Variants in RCAN2 observed in about 807,000 individuals in gnomAD.
The protein encoded by RCAN2 is calcipressin-2.
A neutral mutation model predicts 23.6 loss-of-function variants in RCAN2; 9 were observed. The observed-to-expected ratio is 0.38, with a 90% CI of 0.23 to 0.67. RCAN2 has a LOEUF of 0.67. Among genes scored for constraint, RCAN2 ranks in the 30% least tolerant of loss-of-function variants. The pLI is 0.51. For missense variants in RCAN2, 273 were observed against 302.3 expected (o/e 0.90, Z 0.72); for synonymous variants, 109 against 115.7 (o/e 0.94, Z 0.37).
intron 2 of RCAN2, among the ~76,000 whole-genome samples, chr6:46,256,530 C>T (rs1766923107): frequency 6.6e-6 from 1 of 152,056 alleles, no homozygotes; most frequent in South Asian, 2.1e-4. Flanking sequence ...CAAATATGAA[C>T]ATTTGTGGAT....
intron 2 of RCAN2, among the ~76,000 whole-genome samples, chr6:46,424,568 T>C (rs1195123989): frequency 3.3e-5 from 5 of 152,116 alleles, no homozygotes; most frequent in African/African-American, 1.2e-4. Flanking sequence ...TGTTGTTTTC[T>C]TCCAAATGAG....
intron 2 of RCAN2, among the ~76,000 whole-genome samples, chr6:46,351,541 C>T (rs2396642): frequency 0.42 from 64,285 of 152,042 alleles, 15,051 homozygotes; most frequent in East Asian, 0.6. Flanking sequence ...CTCCAAGAAG[C>T]TTTATCTTCT....
chr6:46,231,750 C>T (rs1765899214), intron 4 of RCAN2, among the ~76,000 whole-genome samples: 1 of 152,146 alleles, frequency 6.6e-6, no homozygotes, highest in African/African-American at 2.4e-5. Flanking sequence ...CAAACGAACA[C>T]AGCCATACCC....
intron 4 of RCAN2, among the ~76,000 whole-genome samples, chr6:46,231,733 A>G (rs1376767271): frequency 6.6e-6 from 1 of 151,746 alleles, no homozygotes; most frequent in Non-Finnish European, 1.5e-5. Flanking sequence ...TGTTATGGCA[A>G]CCCTAGCAAA....
At chr6:46,281,830 C>T (rs1187166917) in intron 2 of RCAN2, among the ~76,000 whole-genome samples, 6 of 144,468 alleles carry the variant, frequency 4.2e-5, no homozygotes, top group African/African-American at 1.6e-4. Context: ...ATTAGTGCCC[C>T]CATTTTACAG....
chr6:46,286,725 G>A lies in RCAN2; in HGVS notation c.226-37829C>T, dbSNP rs576452015. Among the ~76,000 whole-genome samples the A allele has an allele frequency of 1.8e-4, 27 of 152,234 alleles. No homozygotes were observed. In the South Asian group the frequency reaches 3.7e-3, roughly 21 times the overall value. ...CAGTTAGAAAGAGCACTTCAAGGCC[G>A]GGAGTGGTGGCTCACGCCTGTAATC... On this transcript the variant is annotated intron_variant, in intron 2 of 4. Coordinates refer to ENST00000371374, the MANE Select transcript of RCAN2 (RefSeq NM_001251974.2).
chr6:46,371,122 A>G (rs1285733140), intron 2 of RCAN2, among the ~76,000 whole-genome samples: 3 of 152,192 alleles, frequency 2.0e-5, no homozygotes, highest in Non-Finnish European at 4.4e-5. Flanking sequence ...CAAAGGACCT[A>G]TGACTTAAAG....
At chr6:46,416,393 A>G (rs749044516) in intron 2 of RCAN2, among the ~76,000 whole-genome samples, 2 of 149,102 alleles carry the variant, frequency 1.3e-5, no homozygotes, top group Non-Finnish European at 3.0e-5. Context: ...TTCTTCCTCA[A>G]TAAGTTTAAC....
chr6:46,266,857 G>A (rs1767347575), intron 2 of RCAN2, among the ~76,000 whole-genome samples: 1 of 152,036 alleles, frequency 6.6e-6, no homozygotes, highest in Non-Finnish European at 1.5e-5. Context: ...CATGCTCAAG[G>A]CCCCATCACC....
intron 1 of RCAN2, among the ~76,000 whole-genome samples, chr6:46,481,401 T>C (rs894716931): frequency 2.0e-5 from 3 of 152,080 alleles, no homozygotes; most frequent in South Asian, 2.1e-4. Context: ...ATTGAAGAAA[T>C]ACAAAAGAGA....
chr6:46,408,856 G>A (rs918801822), intron 2 of RCAN2, among the ~76,000 whole-genome samples: 2 of 152,118 alleles, frequency 1.3e-5, no homozygotes, highest in African/African-American at 2.4e-5. Flanking sequence ...ATGGATGCCT[G>A]GTATCCTGTT....
chr6:46,392,696 T>A lies in RCAN2; in HGVS notation c.225+64056A>T, dbSNP rs530754338. Among the ~76,000 whole-genome samples the A allele has an allele frequency of 3.9e-5, 6 of 152,322 alleles. No individual in the cohort carries two copies. In the South Asian group the frequency reaches 1.2e-3, roughly 32 times the overall value. On this transcript the variant is annotated intron_variant, in intron 2 of 4. Transcript: ENST00000371374. ...TGTGCCATGAGTTAAAGATAGATAATAATTCAATTAAAGGAAGAACTTTCT... is the reference window on the plus strand; with the variant it reads ...TGTGCCATGAGTTAAAGATAGATAAAAATTCAATTAAAGGAAGAACTTTCT...
intron 2 of RCAN2, among the ~76,000 whole-genome samples, chr6:46,283,407 T>C (rs1762266319): frequency 6.6e-6 from 1 of 152,144 alleles, no homozygotes; most frequent in Admixed American, 6.5e-5. Context: ...TGTACCACTA[T>C]ACTCTAGCCT....
intron 4 of RCAN2, among the ~76,000 whole-genome samples, chr6:46,233,835 C>T (rs1765994617): frequency 6.6e-6 from 1 of 151,104 alleles, no homozygotes; most frequent in Non-Finnish European, 1.5e-5. Flanking sequence ...TCAAACGATT[C>T]TCCTGCCTCA....
chr6:46,339,442 T>C (rs1315146149), intron 2 of RCAN2, among the ~76,000 whole-genome samples: 16 of 151,924 alleles, frequency 1.1e-4, no homozygotes, highest in Admixed American at 1.0e-3. Flanking sequence ...GTGACTTTTA[T>C]ATATAAACGG....
At chr6:46,397,770 A>G (rs1766138915) in intron 2 of RCAN2, among the ~76,000 whole-genome samples, 1 of 152,168 alleles carries the variant, frequency 6.6e-6, no homozygotes, top group Admixed American at 6.5e-5. Context: ...ATGGTCACCT[A>G]AGCCATGCAG....
intron 2 of RCAN2, among the ~76,000 whole-genome samples, chr6:46,423,925 T>A (rs1458412315): frequency 6.6e-6 from 1 of 152,192 alleles, no homozygotes; most frequent in Non-Finnish European, 1.5e-5. Context: ...CTTCTCTATT[T>A]TACATAGAAG....
chr6:46,434,678 A>G (rs1767318025), intron 2 of RCAN2, among the ~76,000 whole-genome samples: 1 of 152,200 alleles, frequency 6.6e-6, no homozygotes, highest in South Asian at 2.1e-4. Flanking sequence ...GTCCTAGAAC[A>G]GATTATTGAG....
chr6:46,430,131 T>C (rs537130023), intron 2 of RCAN2, among the ~76,000 whole-genome samples: 9 of 152,080 alleles, frequency 5.9e-5, no homozygotes, highest in Non-Finnish European at 1.0e-4. Flanking sequence ...AGCTTCAAAG[T>C]GAAATGCATT....
Sources: allele counts gnomAD v4.1 joint callset (sites outside exome capture counted in the v4.1 genomes callset), GRCh38; gene constraint gnomAD v4.1.1; transcripts MANE v1.5; gene names NCBI Gene and HGNC (gene_info 2026-07-23, HGNC 2026-07-21).